The following CCDC171 variants were observed in gnomAD, a reference collection of about 807,000 sequenced individuals.
The protein encoded by CCDC171 is coiled-coil domain containing 171.
CCDC171 carries 177 observed loss-of-function variants against 168.2 expected under a neutral mutation model. The observed-to-expected ratio is 1.05, with a 90% CI of 0.93 to 1.19. The LOEUF (loss-of-function observed/expected upper bound fraction) is 1.19, where lower values mean the gene tolerates loss of function less well. Among genes scored for constraint, CCDC171 ranks in the 50% most tolerant of loss-of-function variants. CCDC171 has a pLI of 0.00. For missense variants in CCDC171, 1,991 were observed against 1,539.0 expected, an observed-to-expected ratio of 1.29 and a Z score of -4.91; for synonymous variants, 687 against 540.8, an observed-to-expected ratio of 1.27 and a Z score of -3.75.
chr9:15,925,089 C>T (rs1825749045), intron 25 of CCDC171, among the ~76,000 whole-genome samples: 1 of 151,602 alleles, frequency 6.6e-6, no homozygotes, highest in Non-Finnish European at 1.5e-5. Flanking sequence ...ACAGACAATC[C>T]TTGTTCTCAT....
chr9:16,045,920 C>T (rs1253682127), intron 1 of CCDC171, among the ~76,000 whole-genome samples: 2 of 152,156 alleles, frequency 1.3e-5, no homozygotes, highest in Non-Finnish European at 2.9e-5. Flanking sequence ...ATTCTCAGAG[C>T]CTGGAGAGAA....
At chr9:15,647,221 A>G (rs1453457239) in intron 7 of CCDC171, among the ~76,000 whole-genome samples, 1 of 152,228 alleles carries the variant, frequency 6.6e-6, no homozygotes, top group Non-Finnish European at 1.5e-5. Context: ...AAGACACAAC[A>G]TACCAGAATC....
chr9:16,021,525 C>G (rs745411163), intron 4 of CCDC171, among the ~76,000 whole-genome samples: 6 of 152,154 alleles, frequency 3.9e-5, no homozygotes, highest in Non-Finnish European at 8.8e-5. Context: ...GATTTGGGAG[C>G]TGGCTGAGGA....
At chr9:15,618,553 A>G (rs879783607) in intron 6 of CCDC171, among the ~76,000 whole-genome samples, 3 of 152,136 alleles carry the variant, frequency 2.0e-5, no homozygotes, top group African/African-American at 7.2e-5. Flanking sequence ...CTGGAGTTCC[A>G]GGTGCCACTG....
intron 16 of CCDC171, among the ~76,000 whole-genome samples, chr9:15,736,191 G>A (rs972982139): frequency 4.6e-5 from 7 of 152,126 alleles, no homozygotes; most frequent in Non-Finnish European, 1.0e-4. Context: ...CAAAGTGAAT[G>A]TTATGGACTG....
At chr9:16,008,336 C>G (rs539698604) in intron 3 of CCDC171, among the ~76,000 whole-genome samples, 1 of 152,288 alleles carries the variant, frequency 6.6e-6, no homozygotes, top group African/African-American at 2.4e-5. Flanking sequence ...AAAGACTCTT[C>G]TTTCCCCCAT....
chr9:15,934,389 C>CAAA (rs71304892), intron 25 of CCDC171, among the ~76,000 whole-genome samples: 44 of 114,224 alleles, frequency 3.9e-4, no homozygotes, highest in African/African-American at 1.3e-3. Context: ...GACCCTGTCT[C>CAAA]AAAAAAAAAA....
At chr9:15,617,973 AGGCAGGGGGGTCAG>A (rs1172720956) in intron 6 of CCDC171, among the ~76,000 whole-genome samples, 4 of 152,090 alleles carry the variant, frequency 2.6e-5, no homozygotes, top group African/African-American at 4.8e-5. Context: ...CCCAGTCAGG[AGGCAGGGGGGTCAG>A]GGACCCACTT....
At chr9:15,691,586 G>T (rs1218419217) in intron 10 of CCDC171, among the ~76,000 whole-genome samples, 1 of 84,140 alleles carries the variant, frequency 1.2e-5, no homozygotes. Context: ...ACATAAACTT[G>T]GTGCTTTATA....
At chr9:15,700,187 C>G (rs544577640) in intron 11 of CCDC171, among the ~76,000 whole-genome samples, 3 of 152,198 alleles carry the variant, frequency 2.0e-5, no homozygotes, top group African/African-American at 7.2e-5. Flanking sequence ...CCCTGCCCCA[C>G]GGGAAGGCAG....
chr9:15,783,034 A>G (rs1288220999), intron 20 of CCDC171, among the ~76,000 whole-genome samples: 1 of 152,132 alleles, frequency 6.6e-6, no homozygotes, highest in African/African-American at 2.4e-5. Flanking sequence ...AAATTTCTTC[A>G]TTGTTGAGAA....
chr9:16,010,378 T>G (rs1832836052), intron 3 of CCDC171, among the ~76,000 whole-genome samples: 1 of 152,138 alleles, frequency 6.6e-6, no homozygotes, highest in African/African-American at 2.4e-5. Context: ...TAGCCAGGAT[T>G]TTGCAGGGAT....
chr9:15,629,079 G>A (rs2045443763), intron 7 of CCDC171, among the ~76,000 whole-genome samples: 1 of 152,076 alleles, frequency 6.6e-6, no homozygotes, highest in African/African-American at 2.4e-5. Context: ...CAAAGATGGG[G>A]AAAAAACAGA....
intron 23 of CCDC171, chr9:15,850,231 T>A (rs977299783): frequency 6.6e-6 from 1 of 151,900 alleles, no homozygotes; most frequent in African/African-American, 2.4e-5. Flanking sequence ...ATCATCCCAG[T>A]TGGAGAAAAA....
intron 10 of CCDC171, among the ~76,000 whole-genome samples, chr9:15,691,601 C>A (rs1243899527): frequency 8.0e-6 from 1 of 125,638 alleles, no homozygotes; most frequent in African/African-American, 3.1e-5. Flanking sequence ...TTTATAAATA[C>A]TGTGTTTTTT....
chr9:15,746,581 A>G (rs2055297065), intron 18 of CCDC171, among the ~76,000 whole-genome samples: 1 of 152,224 alleles, frequency 6.6e-6, no homozygotes, highest in Non-Finnish European at 1.5e-5. Context: ...TTCTTGAAAG[A>G]GCTTAGAAAT....
chr9:15,860,410 C>G (rs772842018), intron 23 of CCDC171, among the ~76,000 whole-genome samples: 2 of 151,374 alleles, frequency 1.3e-5, no homozygotes, highest in African/African-American at 2.4e-5. Flanking sequence ...CTGTATGTTT[C>G]CCCTTACTAC....
chr9:15,902,754 A>C (rs923779904), intron 24 of CCDC171, among the ~76,000 whole-genome samples: 8 of 152,224 alleles, frequency 5.3e-5, no homozygotes, highest in African/African-American at 1.9e-4. Flanking sequence ...CCTGGGAAGC[A>C]CAAGGGGTCA....
intron 21 of CCDC171, among the ~76,000 whole-genome samples, chr9:15,821,788 C>G (rs556743217): frequency 8.6e-6 from 1 of 116,246 alleles, no homozygotes. Flanking sequence ...AATGCCATCC[C>G]CATCAAGCTA....
Sources: gnomAD v4.1 joint callset for allele counts (sites outside exome capture counted in the v4.1 genomes callset) on GRCh38, gnomAD v4.1.1 for gene constraint, MANE v1.5 for transcripts, NCBI Gene and HGNC (gene_info 2026-07-23, HGNC 2026-07-21) for gene names.